Variants in SCTR observed in about 807,000 individuals in gnomAD.
SCTR encodes the protein secretin receptor.
In SCTR, 56 loss-of-function variants were observed where a neutral mutation model predicts 60.8. That is an observed-to-expected ratio of 0.92 (90% CI 0.74 to 1.15). The LOEUF is 1.15. SCTR is among the 50% of genes most tolerant of loss of function. SCTR has a pLI of 0.00. For missense variants in SCTR, 562 were observed against 550.4 expected (o/e 1.02, Z -0.21); for synonymous variants, 202 against 217.0 (o/e 0.93, Z 0.61).
At chr2:119,456,757 G>C (rs1231500867) in intron 7 of SCTR, among the ~76,000 whole-genome samples, 1 of 152,158 alleles carries the variant, frequency 6.6e-6, no homozygotes, top group Non-Finnish European at 1.5e-5. Context: ...TTAAGATAAA[G>C]TCATACTGGA....
chr2:119,441,526 C>T (rs772575873), intron 12 of SCTR, 32 bp downstream of exon 12: 1 of 1,590,090 alleles, frequency 6.3e-7, no homozygotes, highest in Non-Finnish European at 8.6e-7. Flanking sequence ...TAGGAGCTCT[C>T]CTGGGTACCT....
intron 9 of SCTR, among the ~76,000 whole-genome samples, chr2:119,451,212 C>T (rs996124039): frequency 1.3e-5 from 2 of 151,358 alleles, no homozygotes; most frequent in Non-Finnish European, 3.0e-5. Context: ...CTGGGCTGTC[C>T]GTGTGGATGT....
chr2:119,455,865 C>A (rs1432458495), intron 7 of SCTR, among the ~76,000 whole-genome samples: 1 of 151,962 alleles, frequency 6.6e-6, no homozygotes, highest in Non-Finnish European at 1.5e-5. Flanking sequence ...GAAAGGGACA[C>A]CGTATGCCAG....
chr2:119,465,802 G>A lies in SCTR; in HGVS notation c.490C>T (p.Leu164Phe). 1 of 1,612,576 alleles carries A rather than the reference G, an allele frequency of 6.2e-7. No homozygotes were observed. Among genetic ancestry groups the A allele is most frequent in the Non-Finnish European group, 8.5e-7 (1 of 1,178,590 alleles). ...GTGTGTTCTCACCGGAAAGCACAGA[G>A]GATGCCAAGGGCGACCAGGAGCATG... ...LVMLLVALGI[L>F]CAFRRLHCTR... Residue 164 changes from leucine (L) to phenylalanine (F), a missense_variant, in exon 5 of 13, where the codon CTC becomes TTC. Physicochemically the swap from Leu to Phe is conservative, Grantham distance 22. Coordinates refer to ENST00000019103, the MANE Select transcript of SCTR (RefSeq NM_002980.3).
At chr2:119,519,534 C>T (rs1017426156) in intron 1 of SCTR, among the ~76,000 whole-genome samples, 2 of 151,656 alleles carry the variant, frequency 1.3e-5, no homozygotes, top group African/African-American at 2.4e-5. Flanking sequence ...AGAAGCTCTG[C>T]GGTGGCTCAC....
chr2:119,484,770 G>A (rs892230621), intron 2 of SCTR: 1 of 152,126 alleles, frequency 6.6e-6, no homozygotes, highest in African/African-American at 2.4e-5. Flanking sequence ...GTTTCCAAAG[G>A]CCTCTGGGGG....
intron 2 of SCTR, among the ~76,000 whole-genome samples, chr2:119,483,294 C>T (rs564137278): frequency 8.1e-4 from 124 of 152,348 alleles, no homozygotes; most frequent in African/African-American, 1.2e-3. Context: ...CACTGCCCCA[C>T]GGCGGAGATG....
At chr2:119,464,578 A>G (rs1478584026) in intron 5 of SCTR, among the ~76,000 whole-genome samples, 2 of 152,128 alleles carry the variant, frequency 1.3e-5, no homozygotes, top group African/African-American at 2.4e-5. Context: ...TGTATCTACA[A>G]AAAAATTGTT....
intron 10 of SCTR, among the ~76,000 whole-genome samples, chr2:119,447,518 C>T (rs879287410): frequency 2.6e-5 from 4 of 152,206 alleles, no homozygotes; most frequent in South Asian, 2.1e-4. Flanking sequence ...TCTCAAAACA[C>T]GAAACACCAT....
At chr2:119,441,137 A>G (rs955204641) in intron 12 of SCTR, among the ~76,000 whole-genome samples, 2 of 152,158 alleles carry the variant, frequency 1.3e-5, no homozygotes, top group African/African-American at 2.4e-5. Flanking sequence ...CGTTTCACAT[A>G]TGGGCAGACT....
chr2:119,515,390 A>C (rs1679080623), intron 1 of SCTR, among the ~76,000 whole-genome samples: 1 of 152,198 alleles, frequency 6.6e-6, no homozygotes, highest in Admixed American at 6.5e-5. Context: ...TGTCAACTTG[A>C]CTGGATTAAG....
Position 119,463,345 on chromosome 2 carries a change from T to A in SCTR, c.636+778A>T, listed in dbSNP as rs116284468. 5.6e-3 allele frequency among the ~76,000 whole-genome samples: 846 copies of A among 152,188 alleles called. 10 individuals are homozygous for A. Among genetic ancestry groups the A allele is most frequent in the African/African-American group, 0.019 (800 of 41,532 alleles). ...CAAAGCTGCCCAAAAGATAAAAAAA[T>A]GTTTAACGTTTTACCTTTCTCCTTC... On this transcript the variant is annotated intron_variant, in intron 6 of 12. Transcript: ENST00000019103.
At chr2:119,495,410 A>G (rs565799224) in intron 1 of SCTR, 7 of 152,344 alleles carry the variant, frequency 4.6e-5, no homozygotes, top group African/African-American at 1.7e-4. Context: ...TGACTTCCTC[A>G]CTCTTTCCAG....
At chr2:119,459,225 A>C (rs1338859562) in intron 7 of SCTR, among the ~76,000 whole-genome samples, 1 of 152,200 alleles carries the variant, frequency 6.6e-6, no homozygotes, top group Non-Finnish European at 1.5e-5. Flanking sequence ...TCTATGTGGT[A>C]GTTTAAAATG....
chr2:119,512,901 CCTCTT>C (rs1416269352), intron 1 of SCTR, among the ~76,000 whole-genome samples: 1 of 152,200 alleles, frequency 6.6e-6, no homozygotes, highest in Non-Finnish European at 1.5e-5. Context: ...AAGTTTGTCT[CCTCTT>C]GTCTACATGA....
intron 11 of SCTR, among the ~76,000 whole-genome samples, chr2:119,441,893 C>T (rs1180245553): frequency 1.3e-5 from 2 of 152,178 alleles, no homozygotes; most frequent in East Asian, 1.9e-4. Context: ...TCAGGAAGCT[C>T]ACCTGGGAGC....
chr2:119,494,772 T>C (rs1395885170), intron 1 of SCTR, among the ~76,000 whole-genome samples: 2 of 152,210 alleles, frequency 1.3e-5, no homozygotes, highest in South Asian at 4.1e-4. Context: ...CTGTGGCTTG[T>C]CCACTGCAAA....
chr2:119,507,604 A>G (rs1678781920), intron 1 of SCTR, among the ~76,000 whole-genome samples: 1 of 150,822 alleles, frequency 6.6e-6, no homozygotes, highest in South Asian at 2.1e-4. Flanking sequence ...TAAGAGCCAA[A>G]TTTGCTATGG....
At chr2:119,505,027 A>G (rs1678686819) in intron 1 of SCTR, among the ~76,000 whole-genome samples, 1 of 152,120 alleles carries the variant, frequency 6.6e-6, no homozygotes, top group Non-Finnish European at 1.5e-5. Context: ...AAGTCAGGAA[A>G]CAACAGGTGC....
Sources: allele counts gnomAD v4.1 joint callset (sites outside exome capture counted in the v4.1 genomes callset), GRCh38; gene constraint gnomAD v4.1.1; transcripts MANE v1.5; gene names NCBI Gene and HGNC (gene_info 2026-07-23, HGNC 2026-07-21).